The following ATP6V1D variants were observed in gnomAD, a reference collection of about 807,000 sequenced individuals.
ATP6V1D encodes V-type proton ATPase subunit D.
ATP6V1D carries 20 observed loss-of-function variants against 39.4 expected under a neutral mutation model. The ratio of observed to expected loss-of-function variants is 0.51; its 90% CI spans 0.36 to 0.74. The LOEUF is 0.74. Among genes scored for constraint, ATP6V1D ranks in the 30% least tolerant of loss-of-function variants. The pLI, the probability that ATP6V1D is intolerant of heterozygous loss-of-function variation, is 0.00. For missense variants in ATP6V1D, 228 were observed against 291.6 expected, an observed-to-expected ratio of 0.78 and a Z score of 1.59; for synonymous variants, 100 against 100.5, an observed-to-expected ratio of 0.99 and a Z score of 0.03.
chr14:67,353,979 G>GGCATGTTC (rs1489744474), intron 1 of ATP6V1D: 1 of 147,068 alleles, frequency 6.8e-6, no homozygotes. Flanking sequence ...AAAAAAAAAA[G>GGCATGTTC]GCATGTTCGA....
chr14:67,342,228 A>T lies in ATP6V1D; in HGVS notation c.523+1144T>A, dbSNP rs796971741. 1.3e-3 allele frequency among the ~76,000 whole-genome samples: 197 copies of T among 151,080 alleles called. 3 individuals are homozygous for T. Among genetic ancestry groups the T allele is most frequent in the East Asian group, 5.8e-3 (30 of 5,146 alleles). ...AATAAATAAATAAAATAAAATAAAA[A>T]AAAACACAAAGAAAAAAAGTAAAAT... On this transcript the variant is annotated intron_variant, in intron 7 of 8. Coordinates refer to ENST00000216442, the MANE Select transcript of ATP6V1D (RefSeq NM_015994.4).
intron 1 of ATP6V1D, among the ~76,000 whole-genome samples, chr14:67,353,354 G>A (rs963450765): frequency 6.6e-6 from 1 of 152,194 alleles, no homozygotes; most frequent in Admixed American, 6.5e-5. Context: ...TATTGCAGGA[G>A]TGGGTTGGTT....
At position 67,338,414 on chromosome 14, in the gene ATP6V1D, A is replaced by G. The variant is rs1775159126; in HGVS notation, c.*207T>C. On this transcript the variant is annotated 3_prime_UTR_variant, in exon 9 of 9. Transcript: ENST00000216442. Reference sequence around the variant, plus strand: ...AAGTAAATTCTGTAAGTTCCTGGGCAGGTTTTACAGATCTCTTTCATCCAT... The same window carrying G: ...AAGTAAATTCTGTAAGTTCCTGGGCGGGTTTTACAGATCTCTTTCATCCAT... 1 of 518,162 alleles carries G rather than the reference A, an allele frequency of 1.9e-6. No homozygotes were observed. Among genetic ancestry groups the G allele is most frequent in the African/African-American group, 1.9e-5 (1 of 51,694 alleles). 32.1% of individuals were successfully genotyped at this position (518,162 alleles called of 1,614,324 possible). A position where few individuals can be genotyped will look rare whatever the true frequency, so the allele number is the denominator to read the frequency against.
intron 1 of ATP6V1D, among the ~76,000 whole-genome samples, chr14:67,355,125 C>A (rs1320089789): frequency 1.3e-5 from 2 of 151,992 alleles, no homozygotes; most frequent in African/African-American, 2.4e-5. Flanking sequence ...ATTTTTTATA[C>A]CACAATAATT....
rs775747990 is a variant in ATP6V1D at position 67,349,018 on chromosome 14, T to C, written c.307+19A>G. The stretch of plus-strand genomic sequence containing the variant: ...ACCTCTTTTCTCCCCAAAGGGTTTC[T>C]AAAAGGTTGAAACGTTACCTGCTAC... On this transcript the variant is annotated intron_variant, in intron 4 of 8. Transcript: ENST00000216442. 3 of 1,610,716 alleles carry C rather than the reference T, an allele frequency of 1.9e-6. No homozygotes were observed. In the Admixed American group the frequency reaches 5.0e-5, roughly 27 times the overall value.
At chr14:67,349,208 C>T (rs1224196388) in intron 3 of ATP6V1D, 104 bp from the exon 4 acceptor site, 9 of 1,093,614 alleles carry the variant, frequency 8.2e-6, no homozygotes, top group South Asian at 2.9e-5. Context: ...AGTGAGATGT[C>T]ACAATTAAGT....
At chr14:67,353,178 C>G in intron 1 of ATP6V1D, 138 bp from the exon 2 acceptor site, 1 of 638,022 alleles carries the variant, frequency 1.6e-6, no homozygotes, top group East Asian at 2.7e-5. Context: ...TTGTAGCTGA[C>G]AGGTTTAACT....
chr14:67,341,517 G>A (rs1236876398), intron 7 of ATP6V1D, among the ~76,000 whole-genome samples: 1 of 151,274 alleles, frequency 6.6e-6, no homozygotes, highest in African/African-American at 2.4e-5. Context: ...GAGGTGGGGG[G>A]GGTCAGCCCC....
intron 1 of ATP6V1D, among the ~76,000 whole-genome samples, chr14:67,356,434 C>CAAAAAAAAAA (rs11323157): frequency 7.7e-6 from 1 of 129,744 alleles, no homozygotes. Context: ...AAAACAAAAA[C>CAAAAAAAAAA]AAAAAAAAAA....
At chr14:67,354,373 A>G (rs1040073173) in intron 1 of ATP6V1D, among the ~76,000 whole-genome samples, 3 of 152,230 alleles carry the variant, frequency 2.0e-5, no homozygotes, top group African/African-American at 7.2e-5. Context: ...CTGGAGGTAT[A>G]TTAAGGATTT....
Position 67,359,782 on chromosome 14 carries a change from C to A in ATP6V1D, c.-84G>T. The A allele has an allele frequency of 6.6e-7, 1 of 1,516,274 alleles. No homozygotes were observed. The highest frequency in any genetic ancestry group is 9.1e-7 in the Non-Finnish European group (1 of 1,098,770). The allele number at this position is 1,516,274 out of a possible 1,614,324, so 93.9% of individuals were successfully genotyped here. A position where few individuals can be genotyped will look rare whatever the true frequency, so the allele number is the denominator to read the frequency against. ...CAGAACTGGCCTCCACAGTGTCTTCCTCTACGGGAGTCAGCTGGTTGTGTC... is the reference window on the plus strand; with the variant it reads ...CAGAACTGGCCTCCACAGTGTCTTCATCTACGGGAGTCAGCTGGTTGTGTC... On this transcript the variant is annotated 5_prime_UTR_variant, in exon 1 of 9. In the 5' UTR this introduces an upstream ATG that the reference lacks. Coordinates refer to ENST00000216442, the MANE Select transcript of ATP6V1D (RefSeq NM_015994.4).
At chr14:67,359,634 G>T (rs772712634) in intron 1 of ATP6V1D, 24 bp downstream of exon 1, 1 of 1,613,682 alleles carries the variant, frequency 6.2e-7, no homozygotes, top group Non-Finnish European at 8.5e-7. Flanking sequence ...CTGTGAAAGC[G>T]GCTTATCCCA....
chr14:67,343,883 T>C (rs1158738745), intron 6 of ATP6V1D, among the ~76,000 whole-genome samples: 1 of 152,174 alleles, frequency 6.6e-6, no homozygotes, highest in Non-Finnish European at 1.5e-5. Flanking sequence ...ACAAAATTCT[T>C]GTGAGATTTC....
intron 3 of ATP6V1D, among the ~76,000 whole-genome samples, 198 bp from the exon 4 acceptor site, chr14:67,349,302 A>G (rs959713805): frequency 2.6e-5 from 4 of 152,254 alleles, no homozygotes; most frequent in Non-Finnish European, 4.4e-5. Context: ...AGAATGAACA[A>G]TATTCAAAAC....
intron 7 of ATP6V1D, among the ~76,000 whole-genome samples, chr14:67,341,432 G>A (rs1397271363): frequency 1.3e-5 from 2 of 151,756 alleles, no homozygotes; most frequent in Admixed American, 6.5e-5. Context: ...GAGCGTCTCC[G>A]CCCAGCAGCC....
At chr14:67,358,533 C>T (rs2085701901) in intron 1 of ATP6V1D, among the ~76,000 whole-genome samples, 1 of 151,992 alleles carries the variant, frequency 6.6e-6, no homozygotes, top group Non-Finnish European at 1.5e-5. Context: ...TCTGCTTCCT[C>T]ACTGAAAAGA....
At chr14:67,353,207 T>C (rs1000732727) in intron 1 of ATP6V1D, among the ~76,000 whole-genome samples, 167 bp from the exon 2 acceptor site, 6 of 152,370 alleles carry the variant, frequency 3.9e-5, no homozygotes, top group African/African-American at 1.4e-4. Context: ...GGTTTGAATA[T>C]GTCCCTAATC....
chr14:67,352,017 G>A (rs1050218037), intron 2 of ATP6V1D, among the ~76,000 whole-genome samples: 1 of 151,860 alleles, frequency 6.6e-6, no homozygotes, highest in Non-Finnish European at 1.5e-5. Context: ...AGGCACAGTG[G>A]CTAACACCTG....
intron 2 of ATP6V1D, 153 bp downstream of exon 2, chr14:67,352,770 C>A (rs2085663818): frequency 1.7e-6 from 1 of 577,156 alleles, no homozygotes; most frequent in Non-Finnish European, 3.0e-6. Flanking sequence ...ATTAAATGAA[C>A]TATTTGATAT....
Sources: allele counts gnomAD v4.1 joint callset (sites outside exome capture counted in the v4.1 genomes callset), GRCh38; gene constraint gnomAD v4.1.1; transcripts MANE v1.5; gene names NCBI Gene and HGNC (gene_info 2026-07-23, HGNC 2026-07-21).